NRXN3: variants seen among roughly 807,000 people sequenced by gnomAD.
The protein encoded by NRXN3 is neurexin III.
In NRXN3, 32 loss-of-function variants were observed where a neutral mutation model predicts 137.6. The observed-to-expected ratio is 0.23, with a 90% CI of 0.18 to 0.31. NRXN3 has a LOEUF of 0.31. NRXN3 is among the 10% of genes least tolerant of loss of function. The pLI is 1.00. For synonymous variants in NRXN3, 798 were observed against 784.5 expected, an observed-to-expected ratio of 1.02 and a Z score of -0.29; for missense variants, 1,574 against 2,062.5, an observed-to-expected ratio of 0.76 and a Z score of 4.59.
At chr14:78,843,711 G>T in intron 10 of NRXN3, among the ~76,000 whole-genome samples, 1 of 152,116 alleles carries the variant, frequency 6.6e-6, no homozygotes, top group Middle Eastern at 3.2e-3. Context: ...GTTCTTCCAT[G>T]AAATTAGGAG....
At chr14:78,907,594 A>G (rs977723946) in intron 10 of NRXN3, among the ~76,000 whole-genome samples, 2 of 152,076 alleles carry the variant, frequency 1.3e-5, no homozygotes, top group African/African-American at 4.8e-5. Context: ...AGAAGCCTAC[A>G]TTACACACCT....
intron 4 of NRXN3, among the ~76,000 whole-genome samples, chr14:78,486,229 G>A (rs981948826): frequency 2.6e-5 from 4 of 152,178 alleles, no homozygotes; most frequent in East Asian, 1.9e-4. Flanking sequence ...CTGGATGAAT[G>A]ACCTCCTGGG....
chr14:78,984,731 A>G (rs958784345), intron 14 of NRXN3, among the ~76,000 whole-genome samples: 1 of 152,176 alleles, frequency 6.6e-6, no homozygotes, highest in African/African-American at 2.4e-5. Context: ...TGTTTTTCTC[A>G]TAAGCTTCCA....
chr14:79,656,679 T>C (rs932665166), intron 16 of NRXN3, among the ~76,000 whole-genome samples: 2 of 151,304 alleles, frequency 1.3e-5, no homozygotes, highest in African/African-American at 4.9e-5. Flanking sequence ...ATCAGTCTTA[T>C]CTCTCTGCGC....
intron 15 of NRXN3, among the ~76,000 whole-genome samples, chr14:78,997,798 C>T (rs571912802): frequency 3.5e-4 from 54 of 152,250 alleles, no homozygotes; most frequent in Non-Finnish European, 4.7e-4. Context: ...GTTCCCTTTC[C>T]GGTTAGTTCT....
chr14:79,360,294 G>T (rs1035359727), intron 15 of NRXN3, among the ~76,000 whole-genome samples: 4 of 152,134 alleles, frequency 2.6e-5, no homozygotes, highest in African/African-American at 9.7e-5. Flanking sequence ...TGAGGATAAG[G>T]CAGAGGGTCA....
chr14:79,809,018 G>A (rs753211803), intron 20 of NRXN3, among the ~76,000 whole-genome samples: 17 of 152,016 alleles, frequency 1.1e-4, no homozygotes, highest in South Asian at 2.1e-4. Flanking sequence ...AAGTTTTCAC[G>A]GTATATTTTT....
At chr14:78,480,557 A>G (rs1790070192) in intron 4 of NRXN3, among the ~76,000 whole-genome samples, 1 of 152,180 alleles carries the variant, frequency 6.6e-6, no homozygotes, top group Admixed American at 6.5e-5. Flanking sequence ...AATTGTTTTC[A>G]CAGTTGACCT....
intron 4 of NRXN3, among the ~76,000 whole-genome samples, chr14:78,458,418 A>G (rs2094816689): frequency 2.6e-5 from 4 of 152,216 alleles, no homozygotes. Context: ...CAAGGCAGCC[A>G]TCACTAATTA....
intron 16 of NRXN3, among the ~76,000 whole-genome samples, chr14:79,495,340 T>C (rs554637364): frequency 9.2e-5 from 14 of 152,340 alleles, no homozygotes; most frequent in Admixed American, 7.2e-4. Context: ...AAGGATGCCA[T>C]GCCTAGTCAG....
intron 4 of NRXN3, among the ~76,000 whole-genome samples, chr14:78,628,071 C>A (rs201800338): frequency 7.5e-6 from 1 of 134,056 alleles, no homozygotes; most frequent in Non-Finnish European, 1.6e-5. Context: ...TTGCAGAGTT[C>A]TTTTTTTTTT....
intron 16 of NRXN3, among the ~76,000 whole-genome samples, chr14:79,631,397 G>C (rs567972856): frequency 2.0e-5 from 3 of 152,368 alleles, no homozygotes; most frequent in South Asian, 4.1e-4. Context: ...GGCGCTGTGG[G>C]GGCCCCTCTC....
At chr14:78,941,454 T>C (rs1426853045) in intron 10 of NRXN3, among the ~76,000 whole-genome samples, 2 of 152,208 alleles carry the variant, frequency 1.3e-5, no homozygotes, top group Non-Finnish European at 2.9e-5. Flanking sequence ...TCACCCAGTC[T>C]AAGTATCAGT....
intron 6 of NRXN3, among the ~76,000 whole-genome samples, chr14:78,705,517 T>C (rs1365625022): frequency 6.6e-6 from 1 of 152,148 alleles, no homozygotes; most frequent in Non-Finnish European, 1.5e-5. Flanking sequence ...TCACAGAACC[T>C]CAATTCAGGA....
At chr14:79,249,481 T>A (rs1229937180) in intron 15 of NRXN3, among the ~76,000 whole-genome samples, 1 of 152,162 alleles carries the variant, frequency 6.6e-6, no homozygotes, top group Non-Finnish European at 1.5e-5. Flanking sequence ...TGAGAAAATG[T>A]GAAAAGTCTC....
At chr14:79,382,302 G>A (rs937742329) in intron 15 of NRXN3, among the ~76,000 whole-genome samples, 1 of 152,170 alleles carries the variant, frequency 6.6e-6, no homozygotes, top group Non-Finnish European at 1.5e-5. Context: ...ATTGGAGAAA[G>A]TACAAAGATA....
At chr14:78,782,624 G>A (rs775920230) in intron 8 of NRXN3, among the ~76,000 whole-genome samples, 3 of 152,186 alleles carry the variant, frequency 2.0e-5, no homozygotes, top group African/African-American at 4.8e-5. Flanking sequence ...AGTCAGGTGC[G>A]TTGTCTCTCT....
At chr14:79,270,842 T>C (rs1358235393) in intron 15 of NRXN3, among the ~76,000 whole-genome samples, 1 of 152,218 alleles carries the variant, frequency 6.6e-6, no homozygotes, top group African/African-American at 2.4e-5. Context: ...TACATTTCAG[T>C]ATCCCCCACC....
chr14:78,330,368 G>GT (rs1005203432), intron 4 of NRXN3, among the ~76,000 whole-genome samples: 3 of 151,558 alleles, frequency 2.0e-5, no homozygotes, highest in Non-Finnish European at 2.9e-5. Flanking sequence ...TCCTTCTGGT[G>GT]TTTTTTTCCT....
Sources: allele counts gnomAD v4.1 joint callset (sites outside exome capture counted in the v4.1 genomes callset), GRCh38; gene constraint gnomAD v4.1.1; transcripts MANE v1.5; gene names NCBI Gene and HGNC (gene_info 2026-07-23, HGNC 2026-07-21).